CACNA2D3: variants seen among roughly 807,000 people sequenced by gnomAD.
The protein encoded by CACNA2D3 is voltage-dependent calcium channel subunit alpha-2/delta-3.
A neutral mutation model predicts 160.6 loss-of-function variants in CACNA2D3; 60 were observed. That is an observed-to-expected ratio of 0.37 (90% confidence interval 0.30 to 0.46). The LOEUF is 0.46. CACNA2D3 is among the 20% of genes least tolerant of loss of function. The probability of loss-of-function intolerance (pLI) is 1.00; values close to 1 mark genes in which losing one functional copy is unlikely to be tolerated. For synonymous variants in CACNA2D3, 558 were observed against 492.9 expected (o/e 1.13, Z -1.75); for missense variants, 1,205 against 1,365.0 (o/e 0.88, Z 1.85).
At chr3:54,480,116 G>T (rs1305552319) in intron 4 of CACNA2D3, among the ~76,000 whole-genome samples, 4 of 152,120 alleles carry the variant, frequency 2.6e-5, no homozygotes, top group Non-Finnish European at 5.9e-5. Flanking sequence ...GTCTGAGGCA[G>T]GAGGCTCAAT....
intron 27 of CACNA2D3, among the ~76,000 whole-genome samples, chr3:54,950,705 T>G (rs1298213408): frequency 6.6e-6 from 1 of 152,124 alleles, no homozygotes; most frequent in East Asian, 1.9e-4. Context: ...AACCCGTTCT[T>G]TTACTGCTCG....
intron 17 of CACNA2D3, among the ~76,000 whole-genome samples, chr3:54,850,490 T>A (rs1318176814): frequency 2.0e-5 from 3 of 152,224 alleles, no homozygotes; most frequent in African/African-American, 7.2e-5. Context: ...TCCTTTGTAT[T>A]TGAGAGCTTT....
intron 4 of CACNA2D3, among the ~76,000 whole-genome samples, chr3:54,412,804 C>T (rs1463457545): frequency 1.3e-5 from 2 of 151,546 alleles, no homozygotes; most frequent in East Asian, 3.9e-4. Context: ...CTTAATTTCT[C>T]TATTGTCTTT....
intron 3 of CACNA2D3, among the ~76,000 whole-genome samples, chr3:54,353,445 G>A (rs1698598464): frequency 6.7e-6 from 1 of 149,648 alleles, no homozygotes; most frequent in Non-Finnish European, 1.5e-5. Flanking sequence ...GTATAAGAAG[G>A]TCCAGGAATA....
intron 4 of CACNA2D3, among the ~76,000 whole-genome samples, chr3:54,441,318 A>G (rs1262045356): frequency 1.3e-5 from 2 of 152,050 alleles, no homozygotes; most frequent in Middle Eastern, 3.2e-3. Context: ...TCCTTCACCC[A>G]CTTTTTGTTG....
intron 2 of CACNA2D3, among the ~76,000 whole-genome samples, chr3:54,300,095 G>C (rs1442281060): frequency 6.6e-6 from 1 of 152,230 alleles, no homozygotes; most frequent in Non-Finnish European, 1.5e-5. Flanking sequence ...GGGACCAGAA[G>C]ATAAAATCAT....
At chr3:54,954,928 A>G (rs565239260) in intron 27 of CACNA2D3, among the ~76,000 whole-genome samples, 3 of 152,264 alleles carry the variant, frequency 2.0e-5, no homozygotes, top group South Asian at 2.1e-4. Context: ...ACCACAGTGC[A>G]TTTGCTCATT....
At chr3:54,762,547 G>T (rs553025581) in intron 12 of CACNA2D3, among the ~76,000 whole-genome samples, 1 of 152,122 alleles carries the variant, frequency 6.6e-6, no homozygotes, top group Non-Finnish European at 1.5e-5. Flanking sequence ...CTTGTTAATC[G>T]CTGCTTCTTC....
At chr3:54,576,719 A>G (rs1436624418) in intron 8 of CACNA2D3, among the ~76,000 whole-genome samples, 1 of 152,166 alleles carries the variant, frequency 6.6e-6, no homozygotes, top group African/African-American at 2.4e-5. Context: ...CAGCATCACA[A>G]ATAAGCACTA....
chr3:55,001,123 A>G (rs916259166), intron 31 of CACNA2D3, among the ~76,000 whole-genome samples: 5 of 152,200 alleles, frequency 3.3e-5, no homozygotes, highest in Admixed American at 3.3e-4. Flanking sequence ...TTCAGTACAC[A>G]TCAGCTGTTG....
intron 34 of CACNA2D3, among the ~76,000 whole-genome samples, chr3:55,014,078 T>C (rs1468663580): frequency 6.6e-6 from 1 of 152,176 alleles, no homozygotes; most frequent in African/African-American, 2.4e-5. Context: ...CAGTGTGACC[T>C]TGGGCACGTG....
chr3:54,784,943 G>T (rs1702606656), intron 13 of CACNA2D3, among the ~76,000 whole-genome samples: 1 of 152,180 alleles, frequency 6.6e-6, no homozygotes, highest in African/African-American at 2.4e-5. Context: ...GACATCATGG[G>T]AAGTTTTAGT....
intron 2 of CACNA2D3, among the ~76,000 whole-genome samples, chr3:54,209,878 T>C (rs1430428989): frequency 6.6e-6 from 1 of 152,246 alleles, no homozygotes; most frequent in Non-Finnish European, 1.5e-5. Context: ...AAGCAGTTTG[T>C]TTAGAAATCG....
At chr3:54,807,732 G>T (rs914059088) in intron 13 of CACNA2D3, among the ~76,000 whole-genome samples, 1 of 151,906 alleles carries the variant, frequency 6.6e-6, no homozygotes, top group Non-Finnish European at 1.5e-5. Flanking sequence ...TATAAATCAT[G>T]CTGCTATAAA....
intron 5 of CACNA2D3, among the ~76,000 whole-genome samples, chr3:54,520,028 G>A (rs942073776): frequency 5.3e-5 from 8 of 152,210 alleles, no homozygotes; most frequent in Admixed American, 5.2e-4. Flanking sequence ...CTCTTAAGAT[G>A]GCAGATTGCA....
intron 11 of CACNA2D3, among the ~76,000 whole-genome samples, chr3:54,676,474 T>G (rs887518376): frequency 1.3e-5 from 2 of 152,100 alleles, no homozygotes; most frequent in Non-Finnish European, 2.9e-5. Context: ...CTGTTAGACA[T>G]TTATTGTTGG....
At chr3:54,381,752 A>C (rs1396309155) in intron 3 of CACNA2D3, among the ~76,000 whole-genome samples, 4 of 152,216 alleles carry the variant, frequency 2.6e-5, no homozygotes, top group Admixed American at 1.3e-4. Context: ...TCCCCTTGGC[A>C]GCTTCGCCTT....
chr3:54,733,852 A>T (rs906692296), intron 11 of CACNA2D3, among the ~76,000 whole-genome samples: 1 of 152,172 alleles, frequency 6.6e-6, no homozygotes, highest in African/African-American at 2.4e-5. Context: ...AAGGAAGATG[A>T]TGTCGATTTA....
chr3:54,821,650 TTCTTTCTTTCTTTCTTTC>T (rs1703597682), intron 14 of CACNA2D3, among the ~76,000 whole-genome samples: 1 of 48,418 alleles, frequency 2.1e-5, no homozygotes, highest in Non-Finnish European at 4.8e-5. Context: ...CGTTCTTTCT[TTCTTTCTTTCTTTCTTTC>T]TTTCTTTCTT....
Sources: allele counts gnomAD v4.1 joint callset (sites outside exome capture counted in the v4.1 genomes callset), GRCh38; gene constraint gnomAD v4.1.1; transcripts MANE v1.5; gene names NCBI Gene and HGNC (gene_info 2026-07-23, HGNC 2026-07-21).